REX1BD: variants seen among roughly 807,000 people sequenced by gnomAD.
The protein encoded by REX1BD is required for excision 1-B domain-containing protein.
REX1BD carries 22 observed loss-of-function variants against 24.4 expected under a neutral mutation model. The ratio of observed to expected loss-of-function variants is 0.90; its 90% CI spans 0.64 to 1.29. The LOEUF (loss-of-function observed/expected upper bound fraction) is 1.29. Ranked by LOEUF, REX1BD falls within the 50% of genes most tolerant of loss-of-function variation. The pLI is 0.00. For missense variants in REX1BD, 293 were observed against 285.3 expected, an observed-to-expected ratio of 1.03 and a Z score of -0.19; for synonymous variants, 146 against 125.9, an observed-to-expected ratio of 1.16 and a Z score of -1.07.
In REX1BD at chr19:18,592,113, T is replaced by A; in HGVS notation, c.539T>A (p.Ile180Asn). 6.2e-7 allele frequency: 1 copy of A among 1,614,058 alleles called. No homozygotes were observed. The highest frequency in any genetic ancestry group is 8.5e-7 in the Non-Finnish European group (1 of 1,180,010). ...GTTCCCATCCGCTCTTGTAGGGTAA[T>A]TAAAACCATGGAGGCGATCAGCGAG... ...VRMQQLKMKVIKTMEAISEVL... is the reference protein window; with the variant it reads ...VRMQQLKMKVNKTMEAISEVL... Residue 180 changes from isoleucine to asparagine, a missense_variant, in exon 5 of 5, where the codon ATT becomes AAT. Coordinates refer to ENST00000358607, the MANE Select transcript of REX1BD (RefSeq NM_001100418.2).
At chr19:18,590,622 C>T in intron 3 of REX1BD, 1 of 481,952 alleles carries the variant, frequency 2.1e-6, no homozygotes, top group South Asian at 2.6e-5. Flanking sequence ...ACTGTTGTTC[C>T]CAGGCCACGC....
Position 18,588,880 on chromosome 19 carries a change from G to T in REX1BD, c.79G>T (p.Glu27Ter), listed in dbSNP as rs1344530536. Reference sequence around the variant, plus strand: ...GGAGGCCACCGAAGCTCGGGGACGCGAGGAGCCGGCGTGGCCCTGGGTGAG... The same window carrying T: ...GGAGGCCACCGAAGCTCGGGGACGCTAGGAGCCGGCGTGGCCCTGGGTGAG... ...AEEATEARGR[E>*]EPAWPWKDAP... The change falls in exon 1 of 5, where the codon GAG becomes TAG. Residue 27 changes from glutamate to a stop codon, truncating the protein, a stop_gained. Transcript: ENST00000358607. LOFTEE classifies it high-confidence loss of function. 1 of 1,532,714 alleles carries T rather than the reference G, an allele frequency of 6.5e-7. No individual in the cohort carries two copies. Among genetic ancestry groups the T allele is most frequent in the Non-Finnish European group, 8.7e-7 (1 of 1,145,812 alleles). The allele number at this position is 1,532,714 out of a possible 1,614,324, so 94.9% of individuals were successfully genotyped here.
chr19:18,592,103 T>C lies in REX1BD; in HGVS notation c.534-5T>C, dbSNP rs771155219. On this transcript the variant is annotated splice_region_variant and splice_polypyrimidine_tract_variant and intron_variant, in intron 4 of 4. Coordinates refer to ENST00000358607, the MANE Select transcript of REX1BD (RefSeq NM_001100418.2). ...TTTATTTATAGTTCCCATCCGCTCT[T>C]GTAGGGTAATTAAAACCATGGAGGC... is the stretch of plus-strand genomic sequence containing the variant. 2 of 1,613,936 alleles carry C rather than the reference T, an allele frequency of 1.2e-6. No individual in the cohort carries two copies. Among genetic ancestry groups the C allele is most frequent in the Non-Finnish European group, 1.7e-6 (2 of 1,179,954 alleles).
At chr19:18,591,636 C>CT (rs983958750) in intron 4 of REX1BD, 29 of 156,734 alleles carry the variant, frequency 1.9e-4, no homozygotes, top group African/African-American at 6.0e-4. Context: ...TTTTTTCTTT[C>CT]TTTTTTTTGA....
chr19:18,591,828 C>T, intron 4 of REX1BD: 1 of 458,060 alleles, frequency 2.2e-6, no homozygotes, highest in Non-Finnish European at 4.0e-6. Context: ...CTCCTGACCT[C>T]AGGTGATCTG....
rs372950941 is a variant in REX1BD, at chr19:18,589,871, A to AT, written c.453+195dup. On this transcript the variant is annotated intron_variant, in intron 3 of 4. Coordinates refer to ENST00000358607, the MANE Select transcript of REX1BD (RefSeq NM_001100418.2). ...CCTTGCCCTCTGCTGTTCATCCCCA[A>AT]TTTTTTTCCCAAGTTTTGTCCTTAT... The AT allele has an allele frequency of 7.0e-4, 601 of 855,706 alleles. 2 individuals are homozygous for AT. The African/African-American group carries it at 9.9e-3, about 14-fold the overall frequency. 53.0% of individuals were successfully genotyped at this position (855,706 alleles called of 1,614,324 possible). A position where few individuals can be genotyped will look rare whatever the true frequency, so the allele number is the denominator to read the frequency against.
At chr19:18,589,234 C>G (rs1371185755) in intron 2 of REX1BD, 157 bp downstream of exon 2, 1 of 1,524,290 alleles carries the variant, frequency 6.6e-7, no homozygotes, top group Non-Finnish European at 8.8e-7. Context: ...CTCACCTTCA[C>G]GAAAAAGGCC....
Position 18,589,398 on chromosome 19 carries a change from C to A in REX1BD, c.183-15C>A. On this transcript the variant is annotated splice_polypyrimidine_tract_variant and intron_variant, in intron 2 of 4. Coordinates refer to ENST00000358607, the MANE Select transcript of REX1BD (RefSeq NM_001100418.2). ...CCCCTCTGGTGTCTGGGGACACTTC[C>A]TGGGGGCCTTTCAGGTGGTTGGCGC... 2 of 1,556,994 alleles carry A rather than the reference C, an allele frequency of 1.3e-6. No homozygotes were observed. Among genetic ancestry groups the A allele is most frequent in the East Asian group, 2.4e-5 (1 of 41,408 alleles).
In REX1BD at chr19:18,589,491, G is replaced by C. The variant is rs536711183; in HGVS notation, c.261G>C (p.Gln87His). 1 of 1,567,014 alleles carries C rather than the reference G, an allele frequency of 6.4e-7. No homozygotes were observed. The highest frequency in any genetic ancestry group is 1.9e-5 in the Admixed American group (1 of 53,818). ...RVPTCRRGHR[Q>H]YLRSGPDYDF... ...CCACATGCCGCAGAGGCCACCGCCAGTACCTGCGCAGCGGCCCTGACTACG... is the reference window on the plus strand; with the variant it reads ...CCACATGCCGCAGAGGCCACCGCCACTACCTGCGCAGCGGCCCTGACTACG... The change falls in exon 3 of 5, where the codon CAG (glutamine) becomes CAC (histidine). Residue 87 changes from glutamine (Q) to histidine (H), a missense_variant. Physicochemically the swap from Gln to His is conservative, Grantham distance 24. Transcript: ENST00000358607.
rs757108268 is a variant in REX1BD at position 18,592,204 on chromosome 19, G to C, written c.*24G>C. The C allele has an allele frequency of 1.9e-6, 3 of 1,613,566 alleles. No individual in the cohort carries two copies. The highest frequency in any genetic ancestry group is 2.7e-5 in the African/African-American group (2 of 74,938). On this transcript the variant is annotated 3_prime_UTR_variant, in exon 5 of 5. Transcript: ENST00000358607. The stretch of plus-strand genomic sequence containing the variant: ...GATGGCGGCTCCCCAGGGATGCGCC[G>C]AGGGAGATGGGAAACGGGGCGGATG...
chr19:18,589,609 G>T lies in REX1BD; in HGVS notation c.379G>T (p.Gly127Trp). ...EVLAVEAELG[G>W]PRRQPLLAGH... is the part of the protein sequence containing the mutation. ...GCTGGCGGTGGAAGCAGAGCTGGGC[G>T]GGCCTCGCAGGCAGCCGCTGCTCGC... The change falls in exon 3 of 5, where the codon GGG (glycine) becomes TGG (tryptophan). Residue 127 changes from glycine (G) to tryptophan (W), a missense_variant. Gly to Trp is a radical substitution (Grantham distance 184, BLOSUM62 -2). Coordinates refer to ENST00000358607, the MANE Select transcript of REX1BD (RefSeq NM_001100418.2). 6.5e-7 allele frequency: 1 copy of T among 1,532,466 alleles called. No homozygotes were observed. The highest frequency in any genetic ancestry group is 8.7e-7 in the Non-Finnish European group (1 of 1,146,492). 94.9% of individuals were successfully genotyped at this position (1,532,466 alleles called of 1,614,324 possible). A position where few individuals can be genotyped will look rare whatever the true frequency, so the allele number is the denominator to read the frequency against.
rs767031412 is a variant in REX1BD at position 18,589,525 on chromosome 19, C to T, written c.295C>T (p.Arg99Cys). Residue 99 changes from arginine to cysteine, a missense_variant, in exon 3 of 5, where the codon CGC becomes TGC. Physicochemically the swap from Arg to Cys is radical, Grantham distance 180. Coordinates refer to ENST00000358607, the MANE Select transcript of REX1BD (RefSeq NM_001100418.2). ...LRSGPDYDFA[R>C]YRSTVHGVTQ... ...CAGCGGCCCTGACTACGACTTCGCG[C>T]GCTACCGGAGCACAGTGCACGGGGT... 1 of 1,578,920 alleles carries T rather than the reference C, an allele frequency of 6.3e-7. No homozygotes were observed.
Position 18,590,948 on chromosome 19 carries a change from C to G in REX1BD, c.533+15C>G, listed in dbSNP as rs1446939389. 2 of 1,533,484 alleles carry G rather than the reference C, an allele frequency of 1.3e-6. No homozygotes were observed. Among genetic ancestry groups the G allele is most frequent in the Non-Finnish European group, 1.8e-6 (2 of 1,139,026 alleles). The allele number at this position is 1,533,484 out of a possible 1,614,324, so 95.0% of individuals were successfully genotyped here. ...CTGAAAATGAAGTGAGCGCTGCTGC[C>G]CAAGCCGCCTGGCTATGCTCGATTT... On this transcript the variant is annotated intron_variant, in intron 4 of 4. Transcript: ENST00000358607.
chr19:18,589,040 C>A lies in REX1BD; in HGVS notation c.145C>A (p.Gln49Lys). The change falls in exon 2 of 5, where the codon CAG (glutamine) becomes AAG (lysine). Residue 49 changes from glutamine (Q) to lysine (K), a missense_variant. Coordinates refer to ENST00000358607, the MANE Select transcript of REX1BD (RefSeq NM_001100418.2). The part of the protein sequence containing the change: ...RTLVQRIHQL[Q>K]AERAQGFRRL... ...GCTGGTGCAGCGCATCCACCAGCTG[C>A]AGGCTGAGCGCGCGCAGGGCTTCCG... is the stretch of plus-strand genomic sequence containing the variant. The A allele has an allele frequency of 6.6e-7, 1 of 1,526,006 alleles. No homozygotes were observed. Among genetic ancestry groups the A allele is most frequent in the Non-Finnish European group, 8.7e-7 (1 of 1,142,976 alleles). 94.5% of individuals were successfully genotyped at this position (1,526,006 alleles called of 1,614,324 possible).
chr19:18,590,478 C>A, intron 3 of REX1BD: 1 of 201,260 alleles, frequency 5.0e-6, no homozygotes, highest in Non-Finnish European at 1.0e-5. Context: ...TCTTCTGCTT[C>A]CCGAAGTGCT....
At chr19:18,590,370 A>T (rs1386380070) in intron 3 of REX1BD, 2 of 155,354 alleles carry the variant, frequency 1.3e-5, no homozygotes, top group African/African-American at 4.8e-5. Flanking sequence ...CTGGGATTAC[A>T]GGCATAATTT....
chr19:18,592,271 C>T lies in REX1BD; in HGVS notation c.*91C>T. On this transcript the variant is annotated 3_prime_UTR_variant, in exon 5 of 5. Coordinates refer to ENST00000358607, the MANE Select transcript of REX1BD (RefSeq NM_001100418.2). ...TAACTGCCAGCTGGCTGGGGTTGCG[C>T]CCCACTGCGCTGCTGACCTTCCTGC... is the stretch of plus-strand genomic sequence containing the variant. The T allele has an allele frequency of 3.6e-6, 5 of 1,400,082 alleles. No individual in the cohort carries two copies. Among genetic ancestry groups the T allele is most frequent in the Non-Finnish European group, 5.0e-6 (5 of 993,158 alleles). The allele number at this position is 1,400,082 out of a possible 1,614,324, so 86.7% of individuals were successfully genotyped here.
chr19:18,591,948 A>G (rs1976050733), intron 4 of REX1BD, 160 bp from the exon 5 acceptor site: 2 of 743,868 alleles, frequency 2.7e-6, no homozygotes, highest in Non-Finnish European at 4.5e-6. Flanking sequence ...CCTTCTCCCT[A>G]GCACCTAAGT....
rs1391516234 is a variant in REX1BD at position 18,589,629 on chromosome 19, G to T, written c.399G>T (p.Leu133=). 6.6e-7 allele frequency: 1 copy of T among 1,521,474 alleles called. No individual in the cohort carries two copies. The highest frequency in any genetic ancestry group is 2.1e-5 in the Admixed American group (1 of 48,194). 94.2% of individuals were successfully genotyped at this position (1,521,474 alleles called of 1,614,324 possible). ...TGGGCGGGCCTCGCAGGCAGCCGCTGCTCGCCGGCCACGTGCGCAGCCTGC... is the reference window on the plus strand; with the variant it reads ...TGGGCGGGCCTCGCAGGCAGCCGCTTCTCGCCGGCCACGTGCGCAGCCTGC... ...AELGGPRRQP[L]LAGHVRSLQE... is the part of the protein sequence containing the mutation. Residue 133 remains leucine (L), a synonymous_variant, in exon 3 of 5, where the codon CTG becomes CTT. Transcript: ENST00000358607.
Sources: gnomAD v4.1 joint callset for allele counts on GRCh38, gnomAD v4.1.1 for gene constraint, MANE v1.5 for transcripts, NCBI Gene and HGNC (gene_info 2026-07-23, HGNC 2026-07-21) for gene names.